Variants in PCBP3 observed in about 807,000 individuals in gnomAD.
PCBP3 encodes the protein poly(rC) binding protein 3.
PCBP3 carries 25 observed loss-of-function variants against 52.7 expected under a neutral mutation model. The observed-to-expected ratio is 0.47, with a 90% CI of 0.35 to 0.66. The LOEUF (loss-of-function observed/expected upper bound fraction) is 0.66, where lower values mean the gene tolerates loss of function less well. Among genes scored for constraint, PCBP3 ranks in the 30% least tolerant of loss-of-function variants. The probability of loss-of-function intolerance (pLI) is 0.01; values close to 1 mark genes in which losing one functional copy is unlikely to be tolerated. For missense variants in PCBP3, 391 were observed against 490.3 expected, an observed-to-expected ratio of 0.80 and a Z score of 1.91; for synonymous variants, 162 against 183.0, an observed-to-expected ratio of 0.89 and a Z score of 0.93.
intron 4 of PCBP3, among the ~76,000 whole-genome samples, chr21:45,784,333 C>CAGCTCT (rs879740407): frequency 0.063 from 6,815 of 108,074 alleles, 235 homozygotes; most frequent in Non-Finnish European, 0.087. Context: ...TTAATAGTGA[C>CAGCTCT]AGCTCTACCT....
rs536721017 is a variant in PCBP3 at position 45,901,003 on chromosome 21, G to A, written c.229G>A (p.Ala77Thr). 8.1e-6 allele frequency: 13 copies of A among 1,612,262 alleles called. No homozygotes were observed. The highest frequency in any genetic ancestry group is 6.7e-5 in the East Asian group (3 of 44,874). ...TTCTCTGCTCTCACCTTAGAGTGGT[G>A]CAAGGATCAACATCTCAGAGGGAAA... ...TVKKMREESG[A>T]RINISEGNCP... The change falls in exon 9 of 18, where the codon GCA (alanine) becomes ACA (threonine). Residue 77 changes from alanine (A) to threonine (T), a missense_variant. Transcript: ENST00000681687.
chr21:45,860,075 T>C (rs2094453505), intron 5 of PCBP3, among the ~76,000 whole-genome samples: 1 of 152,128 alleles, frequency 6.6e-6, no homozygotes. Context: ...CTTGCCATTG[T>C]GGATGGGGTC....
At chr21:45,912,159 C>T (rs566843660) in intron 11 of PCBP3, among the ~76,000 whole-genome samples, 6 of 152,346 alleles carry the variant, frequency 3.9e-5, no homozygotes, top group South Asian at 2.1e-4. Flanking sequence ...CAGGTGCACC[C>T]GCTGCCCCAA....
In PCBP3 at chr21:45,656,013, G is replaced by A. The variant is rs929726265; in HGVS notation, c.-279+12145G>A. Among the ~76,000 whole-genome samples the A allele has an allele frequency of 6.6e-6, 1 of 152,196 alleles. No individual in the cohort carries two copies. The highest frequency in any genetic ancestry group is 1.5e-5 in the Non-Finnish European group (1 of 68,036). Reference sequence around the variant, plus strand: ...AAACAACAGATGCTGGAGAGGATGTGGAGAAATAGGAAAGCTTTTACACTT... The same window carrying A: ...AAACAACAGATGCTGGAGAGGATGTAGAGAAATAGGAAAGCTTTTACACTT... On this transcript the variant is annotated intron_variant, in intron 1 of 17. Transcript: ENST00000681687. The surrounding 1 kb of genome is among the most constrained non-coding windows in gnomAD (Gnocchi z 4.3).
At chr21:45,734,881 C>G (rs758804848) in intron 2 of PCBP3, among the ~76,000 whole-genome samples, 1 of 152,256 alleles carries the variant, frequency 6.6e-6, no homozygotes, top group Non-Finnish European at 1.5e-5. Flanking sequence ...CATCACTGGA[C>G]AGAGGCCGGC....
At chr21:45,786,517 C>T (rs1049129386) in intron 4 of PCBP3, among the ~76,000 whole-genome samples, 1 of 152,166 alleles carries the variant, frequency 6.6e-6, no homozygotes. Context: ...TCTCGAACTC[C>T]TGATCTCGGG....
chr21:45,803,842 G>A (rs976633195), intron 4 of PCBP3, among the ~76,000 whole-genome samples: 1 of 152,226 alleles, frequency 6.6e-6, no homozygotes, highest in African/African-American at 2.4e-5. Context: ...AGGTGACCCT[G>A]TGCCAGGGCA....
intron 2 of PCBP3, among the ~76,000 whole-genome samples, chr21:45,718,642 T>C (rs1344911789): frequency 6.6e-6 from 1 of 152,172 alleles, no homozygotes; most frequent in Admixed American, 6.5e-5. Context: ...GTCCAGTTGT[T>C]TTTCTTGAAT....
chr21:45,667,063 A>G (rs1211536250), intron 1 of PCBP3, among the ~76,000 whole-genome samples: 2 of 107,450 alleles, frequency 1.9e-5, no homozygotes, highest in African/African-American at 3.8e-5. Context: ...GAGTTTCATT[A>G]TGCATCTGTT....
intron 2 of PCBP3, among the ~76,000 whole-genome samples, chr21:45,733,079 C>T (rs962430419): frequency 1.3e-5 from 2 of 152,148 alleles, no homozygotes; most frequent in Non-Finnish European, 2.9e-5. Context: ...ACAGATTATT[C>T]TGTCTGTACA....
intron 4 of PCBP3, among the ~76,000 whole-genome samples, chr21:45,822,785 G>C (rs1050141632): frequency 6.6e-6 from 1 of 152,192 alleles, no homozygotes; most frequent in Non-Finnish European, 1.5e-5. Flanking sequence ...CTTGGTTTTG[G>C]TGACCTTGAC....
chr21:45,926,917 G>A (rs1285095265), intron 13 of PCBP3, among the ~76,000 whole-genome samples: 1 of 152,194 alleles, frequency 6.6e-6, no homozygotes, highest in Non-Finnish European at 1.5e-5. Flanking sequence ...GGGAGAGCGG[G>A]GAGAAGATCT....
intron 5 of PCBP3, among the ~76,000 whole-genome samples, chr21:45,876,451 G>A (rs546972893): frequency 7.2e-5 from 11 of 152,102 alleles, no homozygotes; most frequent in Non-Finnish European, 1.3e-4. Context: ...GAAGGTGAGC[G>A]GTCACTGTTC....
At chr21:45,839,701 G>A (rs2093659211) in intron 4 of PCBP3, among the ~76,000 whole-genome samples, 1 of 152,126 alleles carries the variant, frequency 6.6e-6, no homozygotes, top group African/African-American at 2.4e-5. Context: ...TGTTGTTTTT[G>A]AGATGGAGTC....
chr21:45,910,860 G>T, intron 10 of PCBP3, 42 bp from the exon 11 acceptor site: 3 of 1,553,208 alleles, frequency 1.9e-6, no homozygotes, highest in Non-Finnish European at 2.6e-6. Context: ...TGCCCCATGC[G>T]CTGCTACCCT....
chr21:45,899,709 C>A, intron 7 of PCBP3, 87 bp downstream of exon 7: 1 of 968,632 alleles, frequency 1.0e-6, no homozygotes, highest in Non-Finnish European at 1.7e-6. Flanking sequence ...TAGGTGGCAC[C>A]CAGTAGGTGC....
At chr21:45,764,042 A>G (rs1440968941) in intron 4 of PCBP3, among the ~76,000 whole-genome samples, 1 of 152,146 alleles carries the variant, frequency 6.6e-6, no homozygotes, top group Admixed American at 6.5e-5. Context: ...TTGTGAGTGA[A>G]GCTGTCTAGC....
At chr21:45,768,917 A>C (rs2089612912) in intron 4 of PCBP3, among the ~76,000 whole-genome samples, 1 of 152,204 alleles carries the variant, frequency 6.6e-6, no homozygotes, top group South Asian at 2.1e-4. Flanking sequence ...CGGGGATGCC[A>C]GAGCTCCAAG....
In PCBP3 at chr21:45,837,303, G is replaced by A. The variant is rs77819716; in HGVS notation, c.-125-12658G>A. Among the ~76,000 whole-genome samples the A allele has an allele frequency of 4.5e-3, 689 of 152,310 alleles. 3 individuals carry two copies. The highest frequency in any genetic ancestry group is 0.015 in the African/African-American group (642 of 41,568). ...TTTGATGCACCTCCCGCCAGGGAGGGGATCGTGACCCTCCCTTTAATCTGG... is the reference window on the plus strand; with the variant it reads ...TTTGATGCACCTCCCGCCAGGGAGGAGATCGTGACCCTCCCTTTAATCTGG... On this transcript the variant is annotated intron_variant, in intron 4 of 17. Transcript: ENST00000681687. The surrounding 1 kb of genome is among the most constrained non-coding windows in gnomAD (Gnocchi z 4.1).
Sources: gnomAD v4.1 joint callset for allele counts (sites outside exome capture counted in the v4.1 genomes callset) on GRCh38, gnomAD v4.1.1 for gene constraint, Gnocchi (gnomAD v3.1) non-coding constraint, MANE v1.5 for transcripts, NCBI Gene and HGNC (gene_info 2026-07-23, HGNC 2026-07-21) for gene names.